SERPINA1: variants seen among roughly 807,000 people sequenced by gnomAD.
The protein encoded by SERPINA1 is serpin family A member 1.
A neutral mutation model predicts 25.4 loss-of-function variants in SERPINA1; 21 were observed. The observed-to-expected ratio is 0.83, with a 90% CI of 0.59 to 1.19. The LOEUF is 1.19. SERPINA1 is among the 50% of genes most tolerant of loss of function. SERPINA1 has a pLI of 0.00. For synonymous variants in SERPINA1, 218 were observed against 211.1 expected (o/e 1.03, Z -0.29); for missense variants, 546 against 509.0 (o/e 1.07, Z -0.70).
chr14:94,384,587 G>T (rs1477848496), intron 1 of SERPINA1, among the ~76,000 whole-genome samples: 1 of 152,110 alleles, frequency 6.6e-6, no homozygotes, highest in Non-Finnish European at 1.5e-5. Context: ...ATATGCCCAG[G>T]CTTCGGACCA....
rs756246391 is a variant in SERPINA1 at position 94,379,583 on chromosome 14, A to T, written c.946T>A (p.Ser316Thr). The T allele has an allele frequency of 1.2e-6, 2 of 1,614,226 alleles. No individual in the cohort carries two copies. The highest frequency in any genetic ancestry group is 8.5e-7 in the Non-Finnish European group (1 of 1,180,044). ...RSASLHLPKL[S>T]ITGTYDLKSV... ...TTCAGATCATAGGTTCCAGTAATGG[A>T]CAGTTTGGGTAAATGTAAGCTGGCA... Residue 316 changes from serine to threonine, a missense_variant, in exon 4 of 5, where the codon TCC becomes ACC. Transcript: ENST00000393087.
At position 94,378,500 on chromosome 14, in the gene SERPINA1, A is replaced by G. The variant is rs766128806; in HGVS notation, c.1206T>C (p.Asn402=). Reference sequence around the variant, plus strand: ...TTCCCATGAAGAGGGGAGACTTGGTATTTTGTTCAATCATTAAGAAGACAA... The same window carrying G: ...TTCCCATGAAGAGGGGAGACTTGGTGTTTTGTTCAATCATTAAGAAGACAA... ...KPFVFLMIEQ[N]TKSPLFMGKV... is the part of the protein sequence containing the mutation. Residue 402 remains asparagine, a synonymous_variant, in exon 5 of 5, where the codon AAT becomes AAC. Transcript: ENST00000393087. The G allele has an allele frequency of 7.2e-5, 117 of 1,613,978 alleles. No individual in the cohort carries two copies. Among genetic ancestry groups the G allele is most frequent in the Middle Eastern group, 3.3e-4 (2 of 6,062 alleles).
chr14:94,384,210 T>C (rs1897149476), intron 1 of SERPINA1: 1 of 152,324 alleles, frequency 6.6e-6, no homozygotes, highest in Middle Eastern at 3.4e-3. Flanking sequence ...AATCTGACTC[T>C]GTCACTTTCC....
In SERPINA1 at chr14:94,378,353, C is replaced by T. The variant is rs2139663395; in HGVS notation, c.*96G>A. On this transcript the variant is annotated 3_prime_UTR_variant, in exon 5 of 5. Transcript: ENST00000393087. ...TCAGAGAAAACATGGGAGGGATTTA[C>T]AGTCACATGCAGGCAGGGACCAGCT... 3 of 1,052,582 alleles carry T rather than the reference C, an allele frequency of 2.9e-6. No homozygotes were observed. The highest frequency in any genetic ancestry group is 3.1e-5 in the African/African-American group (2 of 64,544). 65.2% of individuals were successfully genotyped at this position (1,052,582 alleles called of 1,614,324 possible). A position where few individuals can be genotyped will look rare whatever the true frequency, so the allele number is the denominator to read the frequency against.
chr14:94,380,900 G>A lies in SERPINA1; in HGVS notation c.888C>T (p.Ile296=). ...HLENELTHDI[I]TKFLENEDRR... is the part of the protein sequence containing the mutation. Reference sequence around the variant, plus strand: ...TGTCTTCATTTTCCAGGAACTTGGTGATGATATCGTGGGTGAGTTCATTTT... The same window carrying A: ...TGTCTTCATTTTCCAGGAACTTGGTAATGATATCGTGGGTGAGTTCATTTT... Residue 296 remains isoleucine, a synonymous_variant, in exon 3 of 5, where the codon ATC becomes ATT. Transcript: ENST00000393087. The A allele has an allele frequency of 6.2e-7, 1 of 1,614,232 alleles. No homozygotes were observed. The highest frequency in any genetic ancestry group is 8.5e-7 in the Non-Finnish European group (1 of 1,180,026).
intron 2 of SERPINA1, among the ~76,000 whole-genome samples, chr14:94,381,968 G>A (rs56320514): frequency 0.059 from 9,003 of 152,266 alleles, 375 homozygotes; most frequent in Middle Eastern, 0.17. Context: ...CCAGGACCCT[G>A]GCATTTTAAC....
Position 94,383,226 on chromosome 14 carries a change from A to G in SERPINA1, c.12T>C (p.Ser4=), listed in dbSNP as rs1897084890. Reference sequence around the variant, plus strand: ...CCAGCAGGAGGATGCCCCACGAGACAGAAGACGGCATTGTCCTGCAAGACA... The same window carrying G: ...CCAGCAGGAGGATGCCCCACGAGACGGAAGACGGCATTGTCCTGCAAGACA... MPS[S]VSWGILLLAG... Residue 4 remains serine (S), a synonymous_variant, in exon 2 of 5, where the codon TCT becomes TCC. Coordinates refer to ENST00000393087, the MANE Select transcript of SERPINA1 (RefSeq NM_000295.5). 1 of 1,612,332 alleles carries G rather than the reference A, an allele frequency of 6.2e-7. No individual in the cohort carries two copies. Among genetic ancestry groups the G allele is most frequent in the African/African-American group, 1.3e-5 (1 of 74,950 alleles).
chr14:94,381,035 A>C lies in SERPINA1; in HGVS notation c.753T>G (p.Phe251Leu). 1.2e-6 allele frequency: 2 copies of C among 1,613,906 alleles called. No individual in the cohort carries two copies. The highest frequency in any genetic ancestry group is 1.7e-6 in the Non-Finnish European group (2 of 1,180,002). The stretch of plus-strand genomic sequence containing the variant: ...ACAGCTTCTTACAGTGCTGGATGTT[A>C]AACATGCCTAAACGCTTCATCATAG... Reference protein sequence around the residue: ...KVPMMKRLGMFNIQHCKKLSS... With the variant: ...KVPMMKRLGMLNIQHCKKLSS... Residue 251 changes from phenylalanine (F) to leucine (L), a missense_variant, in exon 3 of 5, where the codon TTT (phenylalanine) becomes TTG (leucine). Physicochemically the swap from Phe to Leu is conservative, Grantham distance 22. Transcript: ENST00000393087.
chr14:94,387,728 C>T lies in SERPINA1; in HGVS notation c.-5+832G>A, dbSNP rs1301040821. Among the ~76,000 whole-genome samples the T allele has an allele frequency of 2.6e-5, 4 of 152,108 alleles. No individual in the cohort carries two copies. In the East Asian group the frequency reaches 7.7e-4, roughly 29 times the overall value. ...GGGGACTGGAGCCAGGTGCCTGAGCCCGAATTATGGATGGTGTGTGATTTG... is the reference window on the plus strand; with the variant it reads ...GGGGACTGGAGCCAGGTGCCTGAGCTCGAATTATGGATGGTGTGTGATTTG... On this transcript the variant is annotated intron_variant, in intron 1 of 4. Transcript: ENST00000393087.
chr14:94,379,367 C>G, intron 4 of SERPINA1, 97 bp downstream of exon 4: 1 of 1,549,958 alleles, frequency 6.5e-7, no homozygotes, highest in Non-Finnish European at 8.9e-7. Context: ...CATTTGTTTC[C>G]CTCGGCCCCT....
At chr14:94,380,255 C>T (rs78040771) in intron 3 of SERPINA1, among the ~76,000 whole-genome samples, 2 of 16,814 alleles carry the variant, frequency 1.2e-4, no homozygotes, top group Non-Finnish European at 5.6e-4. Context: ...GTGTACAAAA[C>T]GAACTAGATC....
rs199687431 is a variant in SERPINA1 at position 94,383,032 on chromosome 14, G to T, written c.206C>A (p.Ser69Tyr). The change falls in exon 2 of 5, where the codon TCC (serine) becomes TAC (tyrosine). Residue 69 changes from serine to tyrosine, a missense_variant. Ser to Tyr is a moderately radical substitution (Grantham distance 144). Transcript: ENST00000393087. The part of the protein sequence containing the change: ...FSLYRQLAHQ[S>Y]NSTNIFFSPV... ...GGAGAAGAAGATATTGGTGCTGTTG[G>T]ACTGGTGTGCCAGCTGGCGGTATAG... 1.1e-5 allele frequency: 17 copies of T among 1,612,596 alleles called. No homozygotes were observed. The highest frequency in any genetic ancestry group is 1.4e-5 in the Non-Finnish European group (17 of 1,178,718).
At position 94,381,253 on chromosome 14, in the gene SERPINA1, G is replaced by A. The variant is rs1225913260; in HGVS notation, c.647-112C>T. 22 of 1,045,582 alleles carry A rather than the reference G, an allele frequency of 2.1e-5. 1 individual carries two copies. Among genetic ancestry groups the A allele is most frequent in the South Asian group, 1.5e-4 (11 of 73,782 alleles). 64.8% of individuals were successfully genotyped at this position (1,045,582 alleles called of 1,614,324 possible). On this transcript the variant is annotated intron_variant, in intron 2 of 4. Coordinates refer to ENST00000393087, the MANE Select transcript of SERPINA1 (RefSeq NM_000295.5). ...CTGAGAAGCCCTGAGCCCCCTTGAC[G>A]ACACACATCCCTCGAGGCTCAGCTT...
At chr14:94,379,438 C>T (rs1896677540) in intron 4 of SERPINA1, 26 bp downstream of exon 4, 1 of 1,613,800 alleles carries the variant, frequency 6.2e-7, no homozygotes, top group Non-Finnish European at 8.5e-7. Flanking sequence ...TACCAGGGTG[C>T]AACAAGGTCG....
chr14:94,380,553 A>G, intron 3 of SERPINA1: 1 of 421,912 alleles, frequency 2.4e-6, no homozygotes, highest in Admixed American at 3.7e-5. Flanking sequence ...TTCTGCCAGA[A>G]CGTGTGGTGG....
chr14:94,389,407 C>T (rs952954641), upstream of SERPINA1: 2 of 152,314 alleles, frequency 1.3e-5, no homozygotes, highest in Non-Finnish European at 2.9e-5. Flanking sequence ...TAGTCTGCCC[C>T]CCAGGCTGCT....
chr14:94,379,670 C>T, intron 3 of SERPINA1, 59 bp from the exon 4 acceptor site: 1 of 1,610,322 alleles, frequency 6.2e-7, no homozygotes, highest in Non-Finnish European at 8.5e-7. Context: ...TCTTCTGGGA[C>T]CCACCACAGT....
upstream of SERPINA1, among the ~76,000 whole-genome samples, chr14:94,389,390 C>A (rs114409833): frequency 1.3e-5 from 2 of 152,308 alleles, no homozygotes; most frequent in Non-Finnish European, 1.5e-5. Context: ...CTGCACAGCC[C>A]TCTGCTTAGT....
At chr14:94,389,607 G>GA (rs373975219), upstream of SERPINA1, 280 of 152,306 alleles carry the variant, frequency 1.8e-3, no homozygotes, top group African/African-American at 6.2e-3. Context: ...GGCTAGTGGG[G>GA]CCCCACTTGA....
Sources: gnomAD v4.1 joint callset for allele counts (sites outside exome capture counted in the v4.1 genomes callset) on GRCh38, gnomAD v4.1.1 for gene constraint, MANE v1.5 for transcripts, NCBI Gene and HGNC (gene_info 2026-07-23, HGNC 2026-07-21) for gene names.